SH3BP5: variants seen among roughly 807,000 people sequenced by gnomAD.
SH3BP5 encodes SH3 domain binding protein 5, also known as SH3 domain-binding protein 5.
A neutral mutation model predicts 43.3 loss-of-function variants in SH3BP5; 22 were observed. The ratio of observed to expected loss-of-function variants is 0.51; its 90% CI spans 0.36 to 0.73. The LOEUF is 0.73. Among genes scored for constraint, SH3BP5 ranks in the 30% least tolerant of loss-of-function variants. The pLI is 0.00. For missense variants in SH3BP5, 529 were observed against 586.9 expected (o/e 0.90, Z 1.02); for synonymous variants, 255 against 225.8 (o/e 1.13, Z -1.16).
At chr3:15,318,229 T>A (rs1698230895) in intron 2 of SH3BP5, among the ~76,000 whole-genome samples, 1 of 152,192 alleles carries the variant, frequency 6.6e-6, no homozygotes, top group African/African-American at 2.4e-5. Context: ...GTGCCATTAT[T>A]TAATAACTGG....
chr3:15,296,525 C>T (rs1697576415), intron 3 of SH3BP5, among the ~76,000 whole-genome samples: 1 of 152,054 alleles, frequency 6.6e-6, no homozygotes, highest in Non-Finnish European at 1.5e-5. Context: ...CAATACCTGG[C>T]ATATGGTAGG....
chr3:15,289,829 T>G (rs750918023), intron 3 of SH3BP5, among the ~76,000 whole-genome samples: 1 of 152,158 alleles, frequency 6.6e-6, no homozygotes, highest in Non-Finnish European at 1.5e-5. Flanking sequence ...GGGCCCACTG[T>G]AGATACCTTC....
At chr3:15,296,585 T>C (rs1171474777) in intron 3 of SH3BP5, among the ~76,000 whole-genome samples, 1 of 151,742 alleles carries the variant, frequency 6.6e-6, no homozygotes, top group African/African-American at 2.4e-5. Flanking sequence ...TTTTTTTAAA[T>C]CCCCACACAG....
At chr3:15,283,682 G>A (rs911913553) in intron 3 of SH3BP5, among the ~76,000 whole-genome samples, 1 of 152,184 alleles carries the variant, frequency 6.6e-6, no homozygotes, top group Non-Finnish European at 1.5e-5. Flanking sequence ...GTCCCTAGCA[G>A]AGACAGAAAA....
chr3:15,269,892 A>T lies in SH3BP5; in HGVS notation c.331-15T>A, dbSNP rs112688014. The T allele has an allele frequency of 2.3e-5, 35 of 1,512,598 alleles. No homozygotes were observed. In the African/African-American group the frequency reaches 4.1e-4, roughly 18 times the overall value. 93.7% of individuals were successfully genotyped at this position (1,512,598 alleles called of 1,614,324 possible). On this transcript the variant is annotated splice_polypyrimidine_tract_variant and intron_variant, in intron 3 of 8. Coordinates refer to ENST00000383791, the MANE Select transcript of SH3BP5 (RefSeq NM_004844.5). Reference sequence around the variant, plus strand: ...TCCAGCTGAGCCTGTGTGAGAAAGAATCCTCATGAGGCCTCAGAAAATGGC... The same window carrying T: ...TCCAGCTGAGCCTGTGTGAGAAAGATTCCTCATGAGGCCTCAGAAAATGGC...
At chr3:15,305,104 G>C (rs1226693312) in intron 2 of SH3BP5, among the ~76,000 whole-genome samples, 3 of 149,434 alleles carry the variant, frequency 2.0e-5, no homozygotes, top group Non-Finnish European at 4.4e-5. Context: ...GTGACAGAGT[G>C]AGACACTGTC....
intron 3 of SH3BP5, among the ~76,000 whole-genome samples, chr3:15,288,659 G>C (rs1369746686): frequency 6.6e-6 from 1 of 152,192 alleles, no homozygotes; most frequent in Non-Finnish European, 1.5e-5. Flanking sequence ...AGGACTGTTT[G>C]AGTCTGGGAG....
chr3:15,280,913 G>A (rs1404363277), intron 3 of SH3BP5, among the ~76,000 whole-genome samples: 5 of 152,210 alleles, frequency 3.3e-5, no homozygotes, highest in South Asian at 4.1e-4. Flanking sequence ...TGGGATGCAC[G>A]ATGCAGACCC....
In SH3BP5 at chr3:15,324,065, C is replaced by T. The variant is rs140389724; in HGVS notation, c.201+6439G>A. ...CCTGGCTCAGGCTACCCTGAAGAGA[C>T]GCAAAGACCACACATGTGTTTTTTC... is the stretch of plus-strand genomic sequence containing the variant. On this transcript the variant is annotated intron_variant, in intron 2 of 8. Coordinates refer to ENST00000383791, the MANE Select transcript of SH3BP5 (RefSeq NM_004844.5). 2.0e-3 allele frequency among the ~76,000 whole-genome samples: 305 copies of T among 152,308 alleles called. 1 individual carries two copies. Among genetic ancestry groups the T allele is most frequent in the Non-Finnish European group, 2.7e-3 (185 of 68,020 alleles).
Position 15,332,256 on chromosome 3 carries a change from C to A in SH3BP5, c.138+15G>T. The A allele has an allele frequency of 6.4e-7, 1 of 1,551,532 alleles. No individual in the cohort carries two copies. The highest frequency in any genetic ancestry group is 1.2e-5 in the South Asian group (1 of 84,548). ...CTCGCGAAGCCCGGATGCGGGGCGA[C>A]CCCGCGCGCCCTACCTGGATCCGGG... On this transcript the variant is annotated intron_variant, in intron 1 of 8. Coordinates refer to ENST00000383791, the MANE Select transcript of SH3BP5 (RefSeq NM_004844.5).
chr3:15,265,639 T>C (rs1314302939), intron 4 of SH3BP5, among the ~76,000 whole-genome samples: 2 of 151,492 alleles, frequency 1.3e-5, no homozygotes, highest in African/African-American at 2.4e-5. Flanking sequence ...CATGTCGCCT[T>C]GGTTATGTCT....
intron 3 of SH3BP5, among the ~76,000 whole-genome samples, chr3:15,292,938 G>A (rs969239420): frequency 2.6e-5 from 4 of 152,176 alleles, no homozygotes; most frequent in African/African-American, 9.7e-5. Context: ...CAAGCAGGAG[G>A]TGCAACCCTT....
At chr3:15,277,421 G>A (rs570098590) in intron 3 of SH3BP5, among the ~76,000 whole-genome samples, 1 of 152,174 alleles carries the variant, frequency 6.6e-6, no homozygotes, top group Admixed American at 6.5e-5. Flanking sequence ...GGGAGGTTTG[G>A]AGGGTATAAG....
At chr3:15,283,705 G>T (rs935308791) in intron 3 of SH3BP5, among the ~76,000 whole-genome samples, 4 of 152,126 alleles carry the variant, frequency 2.6e-5, no homozygotes, top group African/African-American at 9.7e-5. Context: ...AACAAAACAT[G>T]CCCACTTATA....
chr3:15,312,094 T>G (rs1471031165), intron 2 of SH3BP5, among the ~76,000 whole-genome samples: 1 of 152,178 alleles, frequency 6.6e-6, no homozygotes, highest in Middle Eastern at 3.2e-3. Flanking sequence ...GTCTGCAAGA[T>G]GGAAGCCATT....
intron 3 of SH3BP5, among the ~76,000 whole-genome samples, chr3:15,285,901 C>T (rs1401930557): frequency 3.3e-5 from 5 of 152,212 alleles, no homozygotes; most frequent in Admixed American, 3.3e-4. Context: ...GCTTCTGGAT[C>T]AGCATAACTT....
At chr3:15,308,402 C>A (rs1275702664) in intron 2 of SH3BP5, among the ~76,000 whole-genome samples, 3 of 152,160 alleles carry the variant, frequency 2.0e-5, no homozygotes, top group Non-Finnish European at 4.4e-5. Flanking sequence ...AGGTAACTTG[C>A]CCATGGTCAC....
intron 6 of SH3BP5, 34 bp downstream of exon 6, chr3:15,259,727 T>C (rs779619965): frequency 6.2e-7 from 1 of 1,608,992 alleles, no homozygotes; most frequent in East Asian, 2.2e-5. Context: ...TGCAGAAAAA[T>C]CTCATCAGTG....
chr3:15,304,327 T>G, intron 2 of SH3BP5, 96 bp from the exon 3 acceptor site: 3 of 1,571,826 alleles, frequency 1.9e-6, no homozygotes, highest in Non-Finnish European at 2.6e-6. Flanking sequence ...CAAAGGACTT[T>G]ACCCAACGTA....
Sources: gnomAD v4.1 joint callset for allele counts (sites outside exome capture counted in the v4.1 genomes callset) on GRCh38, gnomAD v4.1.1 for gene constraint, MANE v1.5 for transcripts, NCBI Gene and HGNC (gene_info 2026-07-23, HGNC 2026-07-21) for gene names.